Variants in DLG2 observed in about 807,000 individuals in gnomAD.
DLG2 encodes discs large MAGUK scaffold protein 2, also known as disks large homolog 2.
Under a neutral mutation model 132.5 loss-of-function variants are expected in DLG2, and 45 were observed. That is an observed-to-expected ratio of 0.34 (90% CI 0.27 to 0.44). The LOEUF (loss-of-function observed/expected upper bound fraction) is 0.44, where lower values mean the gene tolerates loss of function less well. Ranked by LOEUF, DLG2 falls within the 20% of genes least tolerant of loss-of-function variation. The probability of loss-of-function intolerance (pLI) is 1.00; values close to 1 mark genes in which losing one functional copy is unlikely to be tolerated. For missense variants in DLG2, 1,045 were observed against 1,196.9 expected (o/e 0.87, Z 1.87); for synonymous variants, 424 against 419.6 (o/e 1.01, Z -0.13).
intron 17 of DLG2, among the ~76,000 whole-genome samples, chr11:83,833,363 G>A (rs946431150): frequency 6.6e-6 from 1 of 152,080 alleles, no homozygotes; most frequent in Non-Finnish European, 1.5e-5. Flanking sequence ...ACCTCAACCC[G>A]GGAGGCAGAG....
At chr11:84,926,596 GGT>G (rs947258891) in intron 6 of DLG2, among the ~76,000 whole-genome samples, 21 of 151,824 alleles carry the variant, frequency 1.4e-4, no homozygotes, top group African/African-American at 4.3e-4. Context: ...GTGGGGTGTG[GGT>G]GTGTGTCTGT....
intron 6 of DLG2, among the ~76,000 whole-genome samples, chr11:85,014,461 A>C (rs1421735496): frequency 1.3e-5 from 2 of 152,170 alleles, no homozygotes; most frequent in Admixed American, 1.3e-4. Flanking sequence ...GATGGAAAGA[A>C]AAAGCATCTT....
At chr11:85,234,799 AG>A (rs2075493392) in intron 4 of DLG2, among the ~76,000 whole-genome samples, 1 of 151,980 alleles carries the variant, frequency 6.6e-6, no homozygotes, top group Admixed American at 6.6e-5. Context: ...ATCCAGCTAC[AG>A]CCACTGATAA....
chr11:84,299,224 A>G (rs1292717515), intron 7 of DLG2, among the ~76,000 whole-genome samples: 1 of 152,214 alleles, frequency 6.6e-6, no homozygotes, highest in African/African-American at 2.4e-5. Flanking sequence ...CTTAAAGTGA[A>G]GCCTTCTTTA....
intron 3 of DLG2, among the ~76,000 whole-genome samples, chr11:85,332,550 T>C (rs561682529): frequency 1.3e-5 from 2 of 152,166 alleles, no homozygotes; most frequent in Admixed American, 1.3e-4. Flanking sequence ...GCCAGAATGA[T>C]ACGTTTTAGA....
At chr11:84,803,707 T>C (rs764606050) in intron 6 of DLG2, among the ~76,000 whole-genome samples, 3 of 152,230 alleles carry the variant, frequency 2.0e-5, no homozygotes, top group Non-Finnish European at 2.9e-5. Context: ...ATCAAAAGCA[T>C]TGATGTTTGA....
chr11:83,892,640 A>G (rs2070276774), intron 15 of DLG2, among the ~76,000 whole-genome samples: 1 of 152,042 alleles, frequency 6.6e-6, no homozygotes, highest in Non-Finnish European at 1.5e-5. Flanking sequence ...TAAAGGTAAC[A>G]ATTTTTAAAT....
At chr11:83,808,267 A>T (rs1336583258) in intron 17 of DLG2, among the ~76,000 whole-genome samples, 1 of 152,144 alleles carries the variant, frequency 6.6e-6, no homozygotes, top group Non-Finnish European at 1.5e-5. Context: ...AATCTCCCAG[A>T]GCATTTTAAC....
In DLG2 at chr11:85,583,108, G is replaced by A. The variant is rs1315331287; in HGVS notation, c.40+15549C>T. On this transcript the variant is annotated intron_variant, in intron 3 of 27. Coordinates refer to ENST00000376104, the MANE Select transcript of DLG2 (RefSeq NM_001142699.3). Reference sequence around the variant, plus strand: ...ATGTGATGTGTGTGTGTGTGTGTGTGTGTGTGTGTGTGTGTGTGTGTGTAT... The same window carrying A: ...ATGTGATGTGTGTGTGTGTGTGTGTATGTGTGTGTGTGTGTGTGTGTGTAT... 3.9e-3 allele frequency among the ~76,000 whole-genome samples: 196 copies of A among 49,692 alleles called. 2 individuals are homozygous for A. The highest frequency in any genetic ancestry group is 0.014 in the African/African-American group (195 of 13,760). 32.6% of individuals were successfully genotyped at this position (49,692 alleles called of 152,430 possible). A position where few individuals can be genotyped will look rare whatever the true frequency, so the allele number is the denominator to read the frequency against.
At chr11:84,496,940 T>C (rs1255015072) in intron 7 of DLG2, among the ~76,000 whole-genome samples, 1 of 152,136 alleles carries the variant, frequency 6.6e-6, no homozygotes, top group Non-Finnish European at 1.5e-5. Flanking sequence ...AAGTGAAATA[T>C]GCCATAATCA....
At chr11:85,120,612 G>T (rs533729237) in intron 5 of DLG2, among the ~76,000 whole-genome samples, 33 of 151,892 alleles carry the variant, frequency 2.2e-4, no homozygotes, top group African/African-American at 7.2e-4. Context: ...TTTTATTTTA[G>T]GGTATCTTAA....
At chr11:84,096,253 A>ATT (rs2097163722) in intron 10 of DLG2, among the ~76,000 whole-genome samples, 1 of 150,940 alleles carries the variant, frequency 6.6e-6, no homozygotes, top group African/African-American at 2.5e-5. Context: ...GAAGTAGAAG[A>ATT]TTGTGTGTGT....
chr11:84,297,406 T>C (rs1163816729), intron 7 of DLG2, among the ~76,000 whole-genome samples: 1 of 152,208 alleles, frequency 6.6e-6, no homozygotes, highest in Admixed American at 6.5e-5. Context: ...AAGTTATTTT[T>C]GGCTTCCTTT....
intron 9 of DLG2, among the ~76,000 whole-genome samples, chr11:84,112,322 CTTTTTTTTTTT>C (rs60021668): frequency 0.012 from 1,463 of 119,212 alleles, 33 homozygotes; most frequent in African/African-American, 0.042. Flanking sequence ...TTTACTTTTC[CTTTTTTTTTTT>C]TTTTTTTTTT....
At chr11:84,561,173 T>G (rs887030562) in intron 6 of DLG2, among the ~76,000 whole-genome samples, 4 of 152,140 alleles carry the variant, frequency 2.6e-5, no homozygotes, top group African/African-American at 9.6e-5. Flanking sequence ...ATAGATGTGC[T>G]TTACTGAGCA....
chr11:84,302,989 C>T (rs1295723848), intron 7 of DLG2, among the ~76,000 whole-genome samples: 2 of 152,064 alleles, frequency 1.3e-5, no homozygotes, highest in East Asian at 1.9e-4. Flanking sequence ...GCCATGGTGG[C>T]GTGTGCCTGT....
At chr11:84,986,246 A>T (rs780156626) in intron 6 of DLG2, among the ~76,000 whole-genome samples, 1 of 152,138 alleles carries the variant, frequency 6.6e-6, no homozygotes, top group Non-Finnish European at 1.5e-5. Context: ...CCTAGCTTAA[A>T]TCGGGAAGAA....
At chr11:85,139,686 A>G (rs571058244) in intron 5 of DLG2, among the ~76,000 whole-genome samples, 19 of 152,134 alleles carry the variant, frequency 1.2e-4, no homozygotes, top group African/African-American at 3.9e-4. Context: ...ATATAATACA[A>G]TGTTATTACC....
intron 6 of DLG2, among the ~76,000 whole-genome samples, chr11:84,768,328 C>G (rs1213097327): frequency 6.6e-6 from 1 of 151,994 alleles, no homozygotes; most frequent in Non-Finnish European, 1.5e-5. Context: ...AAACAGCCAA[C>G]CCTATTATGA....
Sources: allele counts gnomAD v4.1 joint callset (sites outside exome capture counted in the v4.1 genomes callset), GRCh38; gene constraint gnomAD v4.1.1; transcripts MANE v1.5; gene names NCBI Gene and HGNC (gene_info 2026-07-23, HGNC 2026-07-21).